The following NRDE2 variants were observed in gnomAD, a reference collection of about 807,000 sequenced individuals.
NRDE2 encodes nuclear exosome regulator NRDE2.
Under a neutral mutation model 124.2 loss-of-function variants are expected in NRDE2, and 76 were observed. That is an observed-to-expected ratio of 0.61 (90% CI 0.51 to 0.74). The LOEUF is 0.74. Among genes scored for constraint, NRDE2 ranks in the 30% least tolerant of loss-of-function variants. The probability of loss-of-function intolerance (pLI) is 0.00; values close to 1 mark genes in which losing one functional copy is unlikely to be tolerated. For synonymous variants in NRDE2, 489 were observed against 528.1 expected, an observed-to-expected ratio of 0.93 and a Z score of 1.01; for missense variants, 1,314 against 1,417.3, an observed-to-expected ratio of 0.93 and a Z score of 1.17.
chr14:90,291,584 T>C (rs945805603), intron 9 of NRDE2, among the ~76,000 whole-genome samples: 6 of 152,122 alleles, frequency 3.9e-5, no homozygotes, highest in African/African-American at 1.4e-4. Context: ...TCCACTCTTC[T>C]GCAGACATTC....
At chr14:90,285,096 T>C (rs569621991) in intron 12 of NRDE2, among the ~76,000 whole-genome samples, 3 of 151,822 alleles carry the variant, frequency 2.0e-5, no homozygotes, top group East Asian at 2.0e-4. Context: ...CTGGCCAACA[T>C]GGCAAAATTC....
At chr14:90,311,012 C>T (rs1884815757) in intron 4 of NRDE2, among the ~76,000 whole-genome samples, 1 of 152,058 alleles carries the variant, frequency 6.6e-6, no homozygotes, top group Non-Finnish European at 1.5e-5. Context: ...CTGTTATTAA[C>T]TCATTGGGAA....
chr14:90,330,222 T>TAAATAAGTAAATAAATAAATAAA (rs1885627934), intron 1 of NRDE2, among the ~76,000 whole-genome samples: 1 of 141,594 alleles, frequency 7.1e-6, no homozygotes, highest in Non-Finnish European at 1.5e-5. Context: ...AAAAAATAAA[T>TAAATAAGTAAATAAATAAATAAA]AAATAAATAA....
At chr14:90,278,649 C>A (rs765989408) in intron 13 of NRDE2, 188 bp from the exon 14 acceptor site, 2 of 651,322 alleles carry the variant, frequency 3.1e-6, no homozygotes, top group Non-Finnish European at 5.1e-6. Context: ...ACACTGAACT[C>A]GCAAAAGTGA....
rs1222784879 is a variant in NRDE2 at position 90,273,685 on chromosome 14, G to A, written c.*4651C>T. On this transcript the variant is annotated 3_prime_UTR_variant, in exon 14 of 14. Coordinates refer to ENST00000354366, the MANE Select transcript of NRDE2 (RefSeq NM_017970.4). ...GACCGTTCCCTCTGGCGTCTCTAAG[G>A]GAGAATCCGTTTCCTTGCTGAGGAT... is the stretch of plus-strand genomic sequence containing the variant. The A allele has an allele frequency of 2.0e-5, 3 of 153,604 alleles. No individual in the cohort carries two copies. The highest frequency in any genetic ancestry group is 2.9e-5 in the Non-Finnish European group (2 of 68,230). The allele number at this position is 153,604 out of a possible 1,614,324, so 9.5% of individuals were successfully genotyped here. A position where few individuals can be genotyped will look rare whatever the true frequency, so the allele number is the denominator to read the frequency against.
chr14:90,297,866 A>G (rs1408205676), intron 8 of NRDE2, among the ~76,000 whole-genome samples: 1 of 150,714 alleles, frequency 6.6e-6, no homozygotes, highest in African/African-American at 2.4e-5. Flanking sequence ...GCTTGAACCC[A>G]GGAGGCAGAG....
chr14:90,292,481 T>C (rs1317523762), intron 9 of NRDE2, among the ~76,000 whole-genome samples: 1 of 152,202 alleles, frequency 6.6e-6, no homozygotes, highest in Non-Finnish European at 1.5e-5. Flanking sequence ...AGCACCTATA[T>C]GCTCCCCCAT....
In NRDE2 at chr14:90,302,730, C is replaced by T. The variant is rs1228573177; in HGVS notation, c.1401G>A (p.Glu467=). Residue 467 remains glutamate (E), a synonymous_variant, in exon 6 of 14, where the codon GAG becomes GAA. Coordinates refer to ENST00000354366, the MANE Select transcript of NRDE2 (RefSeq NM_017970.4). ...TGGTTATCTCCTTACCAAACATGGC[C>T]TCTTCCGTGCCAGGCAACGCAGGGT... The part of the protein sequence containing the change: ...LSHPALPGTE[E]AMFALFLQQC... 6 of 1,605,024 alleles carry T rather than the reference C, an allele frequency of 3.7e-6. No individual in the cohort carries two copies. Among genetic ancestry groups the T allele is most frequent in the Non-Finnish European group, 5.1e-6 (6 of 1,175,102 alleles).
chr14:90,305,097 G>A (rs567713497), intron 4 of NRDE2, among the ~76,000 whole-genome samples: 34 of 151,942 alleles, frequency 2.2e-4, no homozygotes, highest in African/African-American at 7.2e-4. Flanking sequence ...TTTTAAAAAC[G>A]GGCAAAAGAT....
intron 1 of NRDE2, among the ~76,000 whole-genome samples, chr14:90,329,652 C>T (rs982089524): frequency 2.0e-5 from 3 of 147,806 alleles, no homozygotes; most frequent in East Asian, 4.1e-4. Context: ...GCCTGGCCAA[C>T]ATGGTGAAAC....
intron 8 of NRDE2, among the ~76,000 whole-genome samples, chr14:90,293,438 T>C (rs989644389): frequency 6.6e-6 from 1 of 151,002 alleles, no homozygotes; most frequent in Non-Finnish European, 1.5e-5. Context: ...TTGGTAGAGA[T>C]GGGGTTTCAC....
intron 1 of NRDE2, among the ~76,000 whole-genome samples, chr14:90,324,270 T>C (rs1201547649): frequency 6.6e-6 from 1 of 152,094 alleles, no homozygotes; most frequent in East Asian, 1.9e-4. Flanking sequence ...AAAACATGTT[T>C]GAGAGCTTGG....
chr14:90,268,548 A>G lies in NRDE2; in HGVS notation c.*9788T>C, dbSNP rs1454640742. The G allele has an allele frequency of 2.5e-6, 2 of 808,126 alleles. No homozygotes were observed. The highest frequency in any genetic ancestry group is 4.0e-6 in the Non-Finnish European group (2 of 499,992). 50.1% of individuals were successfully genotyped at this position (808,126 alleles called of 1,614,324 possible). On this transcript the variant is annotated 3_prime_UTR_variant, in exon 14 of 14. Transcript: ENST00000354366. Reference sequence around the variant, plus strand: ...GTGCGTGGCCTTCCATGCATGCTTTAGGCTCTGCTCTCCCAGGAGCCAGCT... The same window carrying G: ...GTGCGTGGCCTTCCATGCATGCTTTGGGCTCTGCTCTCCCAGGAGCCAGCT...
intron 10 of NRDE2, 95 bp downstream of exon 10, chr14:90,290,126 T>A: frequency 7.4e-7 from 1 of 1,357,324 alleles, no homozygotes; most frequent in Non-Finnish European, 1.0e-6. Context: ...TGGGGCATAG[T>A]TCCAGGGAGA....
intron 9 of NRDE2, among the ~76,000 whole-genome samples, chr14:90,292,483 C>T (rs1892296818): frequency 6.6e-6 from 1 of 152,210 alleles, no homozygotes; most frequent in African/African-American, 2.4e-5. Context: ...CACCTATATG[C>T]TCCCCCATCA....
At chr14:90,308,101 A>G (rs1595070006) in intron 4 of NRDE2, among the ~76,000 whole-genome samples, 1 of 152,194 alleles carries the variant, frequency 6.6e-6, no homozygotes, top group Admixed American at 6.5e-5. Flanking sequence ...TAAGGGTTAG[A>G]TAAGTTTAAA....
At chr14:90,313,347 C>T (rs963333813) in intron 3 of NRDE2, among the ~76,000 whole-genome samples, 6 of 151,974 alleles carry the variant, frequency 3.9e-5, no homozygotes, top group East Asian at 1.9e-4. Flanking sequence ...AGGGTGGTCT[C>T]GATCTCCTGA....
chr14:90,287,488 G>C (rs1358417318), intron 11 of NRDE2, among the ~76,000 whole-genome samples: 1 of 152,094 alleles, frequency 6.6e-6, no homozygotes, highest in Non-Finnish European at 1.5e-5. Context: ...AGCCAGGCGT[G>C]GTGGTGCCTG....
rs1290135862 is a variant in NRDE2, at chr14:90,303,063, C to G, written c.1068G>C (p.Lys356Asn). 6.2e-7 allele frequency: 1 copy of G among 1,614,012 alleles called. No individual in the cohort carries two copies. Among genetic ancestry groups the G allele is most frequent in the Non-Finnish European group, 8.5e-7 (1 of 1,180,042 alleles). The part of the protein sequence containing the change: ...AIEEGEQEKR[K>N]RSLKLILEKK... Reference sequence around the variant, plus strand: ...TCTCCAGAATGAGCTTCAGGGACCTCTTTCGCTTTTCCTGCTCTCCTTCCT... The same window carrying G: ...TCTCCAGAATGAGCTTCAGGGACCTGTTTCGCTTTTCCTGCTCTCCTTCCT... Residue 356 changes from lysine to asparagine, a missense_variant, in exon 6 of 14, where the codon AAG becomes AAC. Coordinates refer to ENST00000354366, the MANE Select transcript of NRDE2 (RefSeq NM_017970.4).
Sources: gnomAD v4.1 joint callset for allele counts (sites outside exome capture counted in the v4.1 genomes callset) on GRCh38, gnomAD v4.1.1 for gene constraint, MANE v1.5 for transcripts, NCBI Gene and HGNC (gene_info 2026-07-23, HGNC 2026-07-21) for gene names.